Variants in CHD1L observed in about 807,000 individuals in gnomAD.
The protein encoded by CHD1L is chromodomain helicase DNA binding protein 1 like, also known as ATP-dependent chromatin remodeler CHD1L.
In CHD1L, 118 loss-of-function variants were observed where a neutral mutation model predicts 115.9. The observed-to-expected ratio is 1.02, with a 90% CI of 0.88 to 1.19. The LOEUF (loss-of-function observed/expected upper bound fraction) is 1.19, where lower values mean the gene tolerates loss of function less well. Ranked by LOEUF, CHD1L falls within the 50% of genes most tolerant of loss-of-function variation. The pLI is 0.00. For missense variants in CHD1L, 1,179 were observed against 1,065.3 expected (o/e 1.11, Z -1.49); for synonymous variants, 411 against 387.1 (o/e 1.06, Z -0.72).
At chr1:147,242,662 G>A, upstream of CHD1L, 2 of 1,261,970 alleles carry the variant, frequency 1.6e-6, no homozygotes, top group Non-Finnish European at 2.0e-6. Context: ...TTGGGAGGGA[G>A]GTGCGCGCTT....
At position 147,275,360 on chromosome 1, in the gene CHD1L, T is replaced by C. The variant is rs1553956680; in HGVS notation, c.1277T>C (p.Val426Ala). The C allele has an allele frequency of 1.2e-6, 2 of 1,612,984 alleles. No individual in the cohort carries two copies. The highest frequency in any genetic ancestry group is 1.7e-6 in the Non-Finnish European group (2 of 1,178,968). ...CTTTTTGCATTGTTTTCAGGTGGAG[T>C]TGGCATGAACTTAACAGCAGCAGAT... ...VFLLSTRAGG[V>A]GMNLTAADTV... The change falls in exon 13 of 23, where the codon GTT becomes GCT. Residue 426 changes from valine to alanine, a missense_variant. Val to Ala is a moderately conservative substitution (Grantham distance 64, BLOSUM62 0). Coordinates refer to ENST00000369258, the MANE Select transcript of CHD1L (RefSeq NM_004284.6).
At chr1:147,205,905 A>G in the CHD1L span, among the ~76,000 whole-genome samples, 1 of 152,144 alleles carries the variant, frequency 6.6e-6, no homozygotes, top group Non-Finnish European at 1.5e-5. Flanking sequence ...CAAAAGCCAA[A>G]ATTGACAAAT....
chr1:147,293,829 G>A, intron 21 of CHD1L, 107 bp downstream of exon 21: 2 of 868,016 alleles, frequency 2.3e-6, no homozygotes, highest in Non-Finnish European at 3.7e-6. Context: ...AATATGCACG[G>A]TAAAGGCAAA....
At chr1:147,204,692 G>A in the CHD1L span, 2 of 1,557,754 alleles carry the variant, frequency 1.3e-6, no homozygotes, top group African/African-American at 1.4e-5. Flanking sequence ...TTTGCAGCAG[G>A]ATGCTGTACT....
chr1:147,274,077 A>T (rs1226800082), intron 12 of CHD1L, among the ~76,000 whole-genome samples: 1 of 152,202 alleles, frequency 6.6e-6, no homozygotes, highest in Non-Finnish European at 1.5e-5. Context: ...GTATTATAGT[A>T]TAGTGGATAA....
At chr1:147,258,688 AG>A in intron 5 of CHD1L, among the ~76,000 whole-genome samples, 1 of 152,270 alleles carries the variant, frequency 6.6e-6, no homozygotes, top group East Asian at 1.9e-4. Context: ...GTTTCTCTGT[AG>A]CCTCAGGAAG....
chr1:147,289,893 C>A (rs587660722), intron 19 of CHD1L, among the ~76,000 whole-genome samples: 1 of 152,270 alleles, frequency 6.6e-6, no homozygotes, highest in Admixed American at 6.5e-5. Flanking sequence ...GAAGACGTCA[C>A]ATGATTTGTC....
chr1:147,284,332 T>G lies in CHD1L; in HGVS notation c.1706-19T>G, dbSNP rs782286826. 6.5e-7 allele frequency: 1 copy of G among 1,533,686 alleles called. No homozygotes were observed. Among genetic ancestry groups the G allele is most frequent in the Non-Finnish European group, 8.8e-7 (1 of 1,134,216 alleles). ...TCCTTGGTATCTAACATTTCTCTCT[T>G]TGTGTTTTATGTTGTTAGAAAATCA... On this transcript the variant is annotated intron_variant, in intron 15 of 22. Coordinates refer to ENST00000369258, the MANE Select transcript of CHD1L (RefSeq NM_004284.6).
the CHD1L span, chr1:147,204,864 T>G: frequency 6.3e-7 from 1 of 1,598,528 alleles, no homozygotes; most frequent in East Asian, 2.2e-5. Flanking sequence ...CTTCTAATTC[T>G]GAAAAGTGTT....
intron 17 of CHD1L, 110 bp downstream of exon 17, chr1:147,285,597 G>A: frequency 8.3e-7 from 1 of 1,208,920 alleles, no homozygotes; most frequent in South Asian, 1.7e-5. Context: ...TTTTAAGTTG[G>A]TTCCTATTGG....
At chr1:147,228,147 T>A in the CHD1L span, among the ~76,000 whole-genome samples, 8 of 152,234 alleles carry the variant, frequency 5.3e-5, no homozygotes, top group East Asian at 1.4e-3. Context: ...CTCCTAATGC[T>A]ATCCCTTCCC....
At chr1:147,193,677 A>C in the CHD1L span, among the ~76,000 whole-genome samples, 3 of 152,080 alleles carry the variant, frequency 2.0e-5, no homozygotes, top group Non-Finnish European at 4.4e-5. Context: ...CACTGCTTTA[A>C]ATGTGTTCCA....
chr1:147,285,572 A>G (rs1553965053), intron 17 of CHD1L, 85 bp downstream of exon 17: 1 of 1,374,530 alleles, frequency 7.3e-7, no homozygotes, highest in East Asian at 2.4e-5. Context: ...TCACTTTAAA[A>G]ATACAGAAAA....
chr1:147,243,051 G>C (rs1394005649), intron 1 of CHD1L: 4 of 424,054 alleles, frequency 9.4e-6, no homozygotes, highest in East Asian at 4.0e-5. Context: ...CCAGATGAAT[G>C]AGGTCGCGGG....
chr1:147,227,303 AT>A, the CHD1L span, among the ~76,000 whole-genome samples: 1 of 152,366 alleles, frequency 6.6e-6, no homozygotes, highest in East Asian at 1.9e-4. Context: ...ATAATTTTGA[AT>A]GCACTAGAAG....
At chr1:147,196,472 C>A in the CHD1L span, among the ~76,000 whole-genome samples, 1 of 151,530 alleles carries the variant, frequency 6.6e-6, no homozygotes, top group African/African-American at 2.4e-5. Flanking sequence ...GTGGGAGACA[C>A]CCAATTCATA....
the CHD1L span, among the ~76,000 whole-genome samples, chr1:147,229,374 G>C: frequency 1.3e-5 from 2 of 152,054 alleles, no homozygotes; most frequent in Non-Finnish European, 2.9e-5. Flanking sequence ...CTATATCTCT[G>C]TTTTGGTACC....
At chr1:147,275,174 G>C (rs1553956460) in intron 12 of CHD1L, among the ~76,000 whole-genome samples, 180 bp from the exon 13 acceptor site, 1 of 152,168 alleles carries the variant, frequency 6.6e-6, no homozygotes, top group Non-Finnish European at 1.5e-5. Context: ...AAGAGGTCAG[G>C]TAGCACTTCT....
At chr1:147,201,611 C>T in the CHD1L span, 2 of 759,818 alleles carry the variant, frequency 2.6e-6, no homozygotes, top group Non-Finnish European at 4.4e-6. Flanking sequence ...CAATAATCTT[C>T]CCCTTGGTCT....
Sources: gnomAD v4.1 joint callset for allele counts (sites outside exome capture counted in the v4.1 genomes callset) on GRCh38, gnomAD v4.1.1 for gene constraint, MANE v1.5 for transcripts, NCBI Gene and HGNC (gene_info 2026-07-23, HGNC 2026-07-21) for gene names.